Variants in SFSWAP observed in about 807,000 individuals in gnomAD.
SFSWAP encodes splicing factor, suppressor of white-apricot homolog.
SFSWAP carries 17 observed loss-of-function variants against 100.7 expected under a neutral mutation model. The ratio of observed to expected loss-of-function variants is 0.17; its 90% CI spans 0.12 to 0.25. The LOEUF is 0.25. SFSWAP is among the 10% of genes least tolerant of loss of function. SFSWAP has a pLI of 1.00. For synonymous variants in SFSWAP, 504 were observed against 510.1 expected, an observed-to-expected ratio of 0.99 and a Z score of 0.16; for missense variants, 1,005 against 1,262.6, an observed-to-expected ratio of 0.80 and a Z score of 3.09.
chr12:131,765,682 C>T (rs1012190661), intron 12 of SFSWAP, among the ~76,000 whole-genome samples: 2 of 151,990 alleles, frequency 1.3e-5, no homozygotes, highest in African/African-American at 4.8e-5. Flanking sequence ...TTTTCAACCA[C>T]AATCCACCAT....
At chr12:131,754,346 C>CT in intron 8 of SFSWAP, 22 bp from the exon 9 acceptor site, 3 of 1,507,812 alleles carry the variant, frequency 2.0e-6, no homozygotes, top group Non-Finnish European at 2.7e-6. Context: ...GCCCAGGGGT[C>CT]TCACAGACTC....
At chr12:131,719,262 A>G (rs1218648350) in intron 3 of SFSWAP, among the ~76,000 whole-genome samples, 192 bp from the exon 4 acceptor site, 1 of 142,130 alleles carries the variant, frequency 7.0e-6, no homozygotes, top group Non-Finnish European at 1.5e-5. Context: ...ACCCCACCTC[A>G]TTTGGAATTT....
rs1298940533 is a variant in SFSWAP, at chr12:131,794,273, A to G, written c.2535-2905A>G. On this transcript the variant is annotated intron_variant, in intron 15 of 17. Transcript: ENST00000261674. The surrounding 1 kb of genome is among the most constrained non-coding windows in gnomAD (Gnocchi z 4.8). ...ACACAGGCCAGCCACAGTGGCTCACACCTGTGATCCCAGCACTTTGGGAGG... is the reference window on the plus strand; with the variant it reads ...ACACAGGCCAGCCACAGTGGCTCACGCCTGTGATCCCAGCACTTTGGGAGG... Among the ~76,000 whole-genome samples the G allele has an allele frequency of 6.7e-6, 1 of 149,934 alleles. No homozygotes were observed. Among genetic ancestry groups the G allele is most frequent in the African/African-American group, 2.5e-5 (1 of 40,710 alleles).
chr12:131,735,043 G>C (rs1253348811), intron 7 of SFSWAP, among the ~76,000 whole-genome samples: 1 of 152,232 alleles, frequency 6.6e-6, no homozygotes, highest in Admixed American at 6.5e-5. Context: ...GTGGGAGGCA[G>C]CAGCAGAGCA....
intron 11 of SFSWAP, among the ~76,000 whole-genome samples, chr12:131,760,625 C>A (rs1402775370): frequency 6.6e-6 from 1 of 152,086 alleles, no homozygotes; most frequent in Non-Finnish European, 1.5e-5. Context: ...GATGTCTATA[C>A]ATGGATGTTC....
chr12:131,719,379 C>T (rs909799269), intron 3 of SFSWAP, 75 bp from the exon 4 acceptor site: 3 of 1,032,578 alleles, frequency 2.9e-6, no homozygotes, highest in African/African-American at 1.6e-5. Flanking sequence ...CACATGCTTC[C>T]ATCTTGCTGC....
chr12:131,727,089 C>A, intron 6 of SFSWAP, 37 bp downstream of exon 6: 1 of 1,225,848 alleles, frequency 8.2e-7, no homozygotes, highest in Non-Finnish European at 1.2e-6. Flanking sequence ...TTTTATGCCA[C>A]CACAAAACTT....
At chr12:131,756,829 G>A (rs1882219624) in intron 11 of SFSWAP, 185 bp downstream of exon 11, 1 of 587,042 alleles carries the variant, frequency 1.7e-6, no homozygotes, top group Non-Finnish European at 3.0e-6. Flanking sequence ...CGTGGCATTG[G>A]AGGTAACGTG....
At chr12:131,743,041 G>A (rs551959316) in intron 7 of SFSWAP, among the ~76,000 whole-genome samples, 3 of 152,240 alleles carry the variant, frequency 2.0e-5, no homozygotes, top group Middle Eastern at 3.4e-3. Flanking sequence ...AGAATAATGC[G>A]GGAAAGACCC....
rs1483598958 is a variant in SFSWAP, at chr12:131,766,250, A to G, written c.2084A>G (p.Lys695Arg). 4 of 1,614,088 alleles carry G rather than the reference A, an allele frequency of 2.5e-6. No homozygotes were observed. Among genetic ancestry groups the G allele is most frequent in the South Asian group, 2.2e-5 (2 of 91,094 alleles). ...GCGGCGTTATTTTTACAGACCCTCA[A>G]AAATCCTCTGCCGGAAGCAGAAGCT... The part of the protein sequence containing the change: ...RKAALFLQTL[K>R]NPLPEAEAGK... Residue 695 changes from lysine (K) to arginine (R), a missense_variant, in exon 13 of 18, where the codon AAA becomes AGA. Lys to Arg is a conservative substitution (Grantham distance 26, BLOSUM62 2). Coordinates refer to ENST00000261674, the MANE Select transcript of SFSWAP (RefSeq NM_004592.4).
rs376313731 is a variant in SFSWAP, at chr12:131,753,155, A to G, written c.1114A>G (p.Met372Val). 5.0e-6 allele frequency: 8 copies of G among 1,614,106 alleles called. No homozygotes were observed. Among genetic ancestry groups the G allele is most frequent in the African/African-American group, 1.3e-5 (1 of 75,016 alleles). The part of the protein sequence containing the change: ...TVAAMYYSYY[M>V]LPDGTYCLAP... ...GGCAGCCATGTATTACAGCTACTAC[A>G]TGCTACCGGACGGCACTTACTGCCT... Residue 372 changes from methionine (M) to valine (V), a missense_variant, in exon 8 of 18, where the codon ATG becomes GTG. By Grantham distance (21) the Met-to-Val change is conservative. Around this residue, in one of 7 missense-constraint regions of SFSWAP, gnomAD observed 311 missense variants for 317.8 expected, o/e 0.98. Coordinates refer to ENST00000261674, the MANE Select transcript of SFSWAP (RefSeq NM_004592.4).
intron 11 of SFSWAP, among the ~76,000 whole-genome samples, chr12:131,759,801 C>CAA (rs1217940125): frequency 2.3e-5 from 2 of 86,732 alleles, no homozygotes; most frequent in Non-Finnish European, 4.8e-5. Context: ...GACTCCGTCT[C>CAA]AAAAAAAAAA....
intron 9 of SFSWAP, 44 bp downstream of exon 9, chr12:131,754,543 G>C: frequency 7.3e-7 from 1 of 1,362,546 alleles, no homozygotes; most frequent in Non-Finnish European, 9.6e-7. Flanking sequence ...GCATTTGGGG[G>C]TTTCGTTTAG....
At chr12:131,748,575 T>A (rs1881346036) in intron 7 of SFSWAP, among the ~76,000 whole-genome samples, 1 of 152,238 alleles carries the variant, frequency 6.6e-6, no homozygotes, top group Non-Finnish European at 1.5e-5. Context: ...TTCTGTTCTG[T>A]GTGTTAAATT....
intron 3 of SFSWAP, among the ~76,000 whole-genome samples, chr12:131,717,449 C>T (rs2136177256): frequency 6.6e-6 from 1 of 152,096 alleles, no homozygotes; most frequent in African/African-American, 2.4e-5. Context: ...TGCTATATAT[C>T]CATTTTTTAA....
intron 14 of SFSWAP, among the ~76,000 whole-genome samples, chr12:131,782,430 G>C (rs1289014527): frequency 6.6e-6 from 1 of 152,154 alleles, no homozygotes; most frequent in Non-Finnish European, 1.5e-5. Context: ...CCAAAATATT[G>C]AAAGTGTTAA....
chr12:131,713,822 A>G (rs1466623980), intron 1 of SFSWAP: 1 of 293,296 alleles, frequency 3.4e-6, no homozygotes, highest in Non-Finnish European at 6.2e-6. Context: ...GCCTTTAGTT[A>G]TAAATGTTAT....
At position 131,794,587 on chromosome 12, in the gene SFSWAP, G is replaced by A. The variant is rs1048403016; in HGVS notation, c.2535-2591G>A. Among the ~76,000 whole-genome samples the A allele has an allele frequency of 2.6e-5, 4 of 152,150 alleles. No individual in the cohort carries two copies. The highest frequency in any genetic ancestry group is 1.3e-4 in the Admixed American group (2 of 15,266). ...ACCAACAAACAAACACAGACATAGC[G>A]TGGGGTTTGTCTACATAGAGCTTTA... is the stretch of plus-strand genomic sequence containing the variant. On this transcript the variant is annotated intron_variant, in intron 15 of 17. Coordinates refer to ENST00000261674, the MANE Select transcript of SFSWAP (RefSeq NM_004592.4). The surrounding 1 kb of genome is among the most constrained non-coding windows in gnomAD (Gnocchi z 4.8).
At chr12:131,756,347 A>T in intron 10 of SFSWAP, 126 bp from the exon 11 acceptor site, 1 of 761,702 alleles carries the variant, frequency 1.3e-6, no homozygotes, top group Non-Finnish European at 2.2e-6. Context: ...GTCTGTTCCC[A>T]GTGCTGCTTG....
Sources: allele counts gnomAD v4.1 joint callset (sites outside exome capture counted in the v4.1 genomes callset), GRCh38; gene constraint gnomAD v4.1.1; regional missense constraint gnomAD v4.1.1; non-coding constraint Gnocchi (gnomAD v3.1); transcripts MANE v1.5; gene names NCBI Gene and HGNC (gene_info 2026-07-23, HGNC 2026-07-21).